The following PTPN3 variants were observed in gnomAD, a reference collection of about 807,000 sequenced individuals.
The protein encoded by PTPN3 is protein tyrosine phosphatase non-receptor type 3, also known as tyrosine-protein phosphatase non-receptor type 3.
A neutral mutation model predicts 132.7 loss-of-function variants in PTPN3; 96 were observed. That is an observed-to-expected ratio of 0.72 (90% CI 0.61 to 0.86). The LOEUF is 0.86. Ranked by LOEUF, PTPN3 falls within the 40% of genes least tolerant of loss-of-function variation. The pLI is 0.00. For synonymous variants in PTPN3, 398 were observed against 429.0 expected (o/e 0.93, Z 0.89); for missense variants, 1,125 against 1,159.6 (o/e 0.97, Z 0.43).
At chr9:109,444,831 C>T (rs544070282) in intron 7 of PTPN3, among the ~76,000 whole-genome samples, 8 of 152,298 alleles carry the variant, frequency 5.3e-5, no homozygotes, top group African/African-American at 1.9e-4. Flanking sequence ...TGACTCCTAG[C>T]AAATTTCTTA....
chr9:109,464,530 T>G (rs1483213917), intron 1 of PTPN3, among the ~76,000 whole-genome samples: 4 of 152,204 alleles, frequency 2.6e-5, no homozygotes, highest in Non-Finnish European at 5.9e-5. Context: ...ATAACAAACC[T>G]GCACATGTAC....
At chr9:109,483,032 C>T (rs1847033793) in intron 1 of PTPN3, among the ~76,000 whole-genome samples, 1 of 152,304 alleles carries the variant, frequency 6.6e-6, no homozygotes, top group East Asian at 1.9e-4. Flanking sequence ...GTCTTGATCC[C>T]CAGTCTGCAT....
chr9:109,433,019 T>C (rs774152376), intron 10 of PTPN3, 54 bp downstream of exon 10: 7 of 1,599,904 alleles, frequency 4.4e-6, no homozygotes, highest in Non-Finnish European at 6.0e-6. Context: ...TTACTTTTGT[T>C]AGGCATATTT....
At chr9:109,414,595 A>G (rs1338979453) in intron 14 of PTPN3, among the ~76,000 whole-genome samples, 1 of 152,238 alleles carries the variant, frequency 6.6e-6, no homozygotes, top group Non-Finnish European at 1.5e-5. Context: ...GGGCTGTAAT[A>G]AATGCCAAGG....
chr9:109,480,036 G>A (rs1167560812), intron 1 of PTPN3, among the ~76,000 whole-genome samples: 2 of 152,212 alleles, frequency 1.3e-5, no homozygotes, highest in Non-Finnish European at 2.9e-5. Context: ...GTGCAGTGGT[G>A]TCTCATTGTG....
chr9:109,526,623 T>C, the PTPN3 span, among the ~76,000 whole-genome samples: 11 of 152,250 alleles, frequency 7.2e-5, no homozygotes, highest in East Asian at 1.9e-3. Flanking sequence ...TGCAGTGGGC[T>C]GCGTTCATGC....
chr9:109,404,309 T>G, intron 19 of PTPN3, 139 bp downstream of exon 19: 1 of 615,564 alleles, frequency 1.6e-6, no homozygotes, highest in Non-Finnish European at 2.4e-6. Flanking sequence ...AGTTGACTGC[T>G]TTTGGTTTGT....
chr9:109,488,426 C>T (rs1044133766), intron 1 of PTPN3, among the ~76,000 whole-genome samples: 7 of 152,118 alleles, frequency 4.6e-5, no homozygotes, highest in Non-Finnish European at 4.4e-5. Flanking sequence ...GCAGTAAAAT[C>T]TAATAACACA....
intron 7 of PTPN3, among the ~76,000 whole-genome samples, chr9:109,439,010 T>G (rs1333072921): frequency 2.6e-5 from 4 of 152,210 alleles, no homozygotes; most frequent in Admixed American, 2.6e-4. Flanking sequence ...GGCAAAATGG[T>G]ACTGCTCCCT....
the PTPN3 span, among the ~76,000 whole-genome samples, chr9:109,528,799 C>T: frequency 6.6e-6 from 1 of 151,838 alleles, no homozygotes; most frequent in South Asian, 2.1e-4. Flanking sequence ...CCTCCTTCTT[C>T]CTTGTGTGTG....
intron 19 of PTPN3, among the ~76,000 whole-genome samples, chr9:109,401,304 T>C (rs1162412156): frequency 6.6e-6 from 1 of 152,206 alleles, no homozygotes; most frequent in Non-Finnish European, 1.5e-5. Context: ...AAACAGGTGC[T>C]GATCTTGTTA....
intron 1 of PTPN3, among the ~76,000 whole-genome samples, chr9:109,491,420 T>C (rs1847456558): frequency 6.6e-6 from 1 of 152,042 alleles, no homozygotes; most frequent in Admixed American, 6.6e-5. Context: ...AAAATGGTAA[T>C]GTTTGGGGAA....
chr9:109,530,862 T>C, the PTPN3 span, among the ~76,000 whole-genome samples: 2 of 152,252 alleles, frequency 1.3e-5, no homozygotes, highest in African/African-American at 2.4e-5. Flanking sequence ...TATTGATATA[T>C]CTTCTTTAGA....
chr9:109,404,795 A>G (rs764587644), intron 18 of PTPN3, among the ~76,000 whole-genome samples, 187 bp from the exon 19 acceptor site: 1 of 152,268 alleles, frequency 6.6e-6, no homozygotes, highest in African/African-American at 2.4e-5. Flanking sequence ...AATATGTGTT[A>G]ATTACATAAA....
At chr9:109,393,246 G>C (rs1342971496) in intron 19 of PTPN3, among the ~76,000 whole-genome samples, 1 of 151,702 alleles carries the variant, frequency 6.6e-6, no homozygotes, top group Non-Finnish European at 1.5e-5. Context: ...GATCTTTAAT[G>C]GTTCAATAAT....
In PTPN3 at chr9:109,454,479, T is replaced by TA. The variant is rs775131492; in HGVS notation, c.368+16dup. The TA allele has an allele frequency of 4.4e-6, 7 of 1,603,002 alleles. No homozygotes were observed. The highest frequency in any genetic ancestry group is 2.2e-5 in the East Asian group (1 of 44,836). ...TTTTTATACACTAAACAGAAAACTT[T>TA]AAAAAAATGTTGTTACCTGGTTTGT... On this transcript the variant is annotated intron_variant, in intron 5 of 25. Transcript: ENST00000374541.
intron 7 of PTPN3, among the ~76,000 whole-genome samples, chr9:109,443,027 C>T (rs1005818413): frequency 2.6e-5 from 4 of 151,700 alleles, no homozygotes; most frequent in Non-Finnish European, 5.9e-5. Context: ...GTGAGAAAAC[C>T]AAGATTAGGA....
intron 1 of PTPN3, among the ~76,000 whole-genome samples, chr9:109,494,960 GC>G (rs952993534): frequency 8.5e-5 from 13 of 152,074 alleles, no homozygotes; most frequent in African/African-American, 2.9e-4. Context: ...CTCTGGAGAT[GC>G]AACATTTCTG....
chr9:109,533,883 G>T, the PTPN3 span: 4 of 762,356 alleles, frequency 5.2e-6, no homozygotes, highest in African/African-American at 1.7e-5. Context: ...CCCCTACGAC[G>T]TGGATAGCAT....
Sources: allele counts gnomAD v4.1 joint callset (sites outside exome capture counted in the v4.1 genomes callset), GRCh38; gene constraint gnomAD v4.1.1; transcripts MANE v1.5; gene names NCBI Gene and HGNC (gene_info 2026-07-23, HGNC 2026-07-21).